RAP1B: variants seen among roughly 807,000 people sequenced by gnomAD.
The protein encoded by RAP1B is RAP1B, member of RAS oncogene family.
Under a neutral mutation model 27.5 loss-of-function variants are expected in RAP1B, and 1 was observed. The observed-to-expected ratio is 0.04, with a 90% CI of 0.01 to 0.17. RAP1B has a LOEUF of 0.17. RAP1B is among the 10% of genes least tolerant of loss of function. The probability of loss-of-function intolerance (pLI) is 1.00; values close to 1 mark genes in which losing one functional copy is unlikely to be tolerated. For synonymous variants in RAP1B, 75 were observed against 73.1 expected (o/e 1.03, Z -0.13); for missense variants, 84 against 214.8 (o/e 0.39, Z 3.81).
At chr12:68,644,131 A>T (rs1053927256) in intron 1 of RAP1B, among the ~76,000 whole-genome samples, 7 of 152,168 alleles carry the variant, frequency 4.6e-5, no homozygotes, top group African/African-American at 1.7e-4. Flanking sequence ...ATATTACAGG[A>T]TTTTTGTTTA....
intron 5 of RAP1B, 115 bp downstream of exon 5, chr12:68,654,367 G>T (rs1874047622): frequency 9.6e-6 from 7 of 732,894 alleles, no homozygotes; most frequent in South Asian, 2.6e-5. Flanking sequence ...GGGGGTGTTG[G>T]TTTTTTTAAA....
intron 1 of RAP1B, chr12:68,627,012 G>A: frequency 6.4e-7 from 1 of 1,563,798 alleles, no homozygotes; most frequent in Non-Finnish European, 8.7e-7. Context: ...CCACTTCTTT[G>A]AGATGTGGAT....
At chr12:68,629,594 A>G (rs1264148708) in intron 1 of RAP1B, among the ~76,000 whole-genome samples, 3 of 152,136 alleles carry the variant, frequency 2.0e-5, no homozygotes, top group Non-Finnish European at 4.4e-5. Flanking sequence ...GTCCTTTTCA[A>G]TTTTATCTAT....
intron 1 of RAP1B, among the ~76,000 whole-genome samples, chr12:68,628,180 C>T (rs1025540122): frequency 4.6e-5 from 7 of 152,226 alleles, no homozygotes; most frequent in South Asian, 2.1e-4. Context: ...AGTACTTGAC[C>T]TAGGCCCCAC....
At chr12:68,649,059 C>T (rs564396603) in intron 2 of RAP1B, 20 of 324,158 alleles carry the variant, frequency 6.2e-5, no homozygotes, top group East Asian at 2.2e-4. Flanking sequence ...TTTTTGCATT[C>T]GCATTTCAGA....
intron 1 of RAP1B, among the ~76,000 whole-genome samples, chr12:68,620,241 AGTCTCTCTATT>A (rs1871300332): frequency 6.7e-6 from 1 of 148,850 alleles, no homozygotes; most frequent in South Asian, 2.1e-4. Context: ...TTTAAGACTG[AGTCTCTCTATT>A]GTCACCCAGG....
At chr12:68,613,230 C>T (rs939327845) in intron 1 of RAP1B, among the ~76,000 whole-genome samples, 1 of 151,752 alleles carries the variant, frequency 6.6e-6, no homozygotes, top group African/African-American at 2.4e-5. Context: ...TGTAGTGGCA[C>T]GCGCCTGCAA....
intron 5 of RAP1B, 105 bp downstream of exon 5, chr12:68,654,357 G>T (rs1243949182): frequency 1.6e-5 from 7 of 451,374 alleles, no homozygotes; most frequent in Admixed American, 4.3e-5. Flanking sequence ...TGGTTGGGGG[G>T]GGGGTGTTGG....
At chr12:68,649,753 C>T (rs1873676537) in intron 2 of RAP1B, 1 of 152,146 alleles carries the variant, frequency 6.6e-6, no homozygotes, top group Non-Finnish European at 1.5e-5. Context: ...TCAGTTGATC[C>T]TGCATGTATG....
intron 1 of RAP1B, among the ~76,000 whole-genome samples, chr12:68,625,123 AG>A (rs1871659621): frequency 6.6e-6 from 1 of 152,172 alleles, no homozygotes; most frequent in Non-Finnish European, 1.5e-5. Flanking sequence ...CATTTTTTGG[AG>A]CTACTTTAAG....
intron 1 of RAP1B, among the ~76,000 whole-genome samples, chr12:68,623,831 G>T (rs1871554005): frequency 6.6e-6 from 1 of 152,166 alleles, no homozygotes. Flanking sequence ...GACCATCCTG[G>T]CTAACACGGT....
At chr12:68,652,491 A>C (rs1873885063) in intron 4 of RAP1B, among the ~76,000 whole-genome samples, 1 of 152,022 alleles carries the variant, frequency 6.6e-6, no homozygotes, top group Admixed American at 6.6e-5. Flanking sequence ...CTAAACTTTA[A>C]ATCTTTTTGT....
Position 68,662,520 on chromosome 12 carries a change from T to A in RAP1B, c.*3271T>A, listed in dbSNP as rs577325922. 1 of 152,132 alleles carries A rather than the reference T, an allele frequency of 6.6e-6. No individual in the cohort carries two copies. The highest frequency in any genetic ancestry group is 1.5e-5 in the Non-Finnish European group (1 of 68,002). 9.4% of individuals were successfully genotyped at this position (152,132 alleles called of 1,614,324 possible). On this transcript the variant is annotated 3_prime_UTR_variant, in exon 8 of 8. Transcript: ENST00000250559. ...TTTTTTTTTTAAATCATTCCGTCTT[T>A]AGTTGTGGGACAGCAAACTTAGAAT...
In RAP1B at chr12:68,661,327, G is replaced by A. The variant is rs553245391; in HGVS notation, c.*2078G>A. The A allele has an allele frequency of 6.6e-5, 10 of 152,158 alleles. No homozygotes were observed. The highest frequency in any genetic ancestry group is 1.9e-4 in the East Asian group (1 of 5,180). The allele number at this position is 152,158 out of a possible 1,614,324, so 9.4% of individuals were successfully genotyped here. A position where few individuals can be genotyped will look rare whatever the true frequency, so the allele number is the denominator to read the frequency against. On this transcript the variant is annotated 3_prime_UTR_variant, in exon 8 of 8. Coordinates refer to ENST00000250559, the MANE Select transcript of RAP1B (RefSeq NM_001010942.3). ...ATGTCCTGTTACATCCATTGATACCGCCATTATTCAATAATTACTTTTAAT... is the reference window on the plus strand; with the variant it reads ...ATGTCCTGTTACATCCATTGATACCACCATTATTCAATAATTACTTTTAAT...
At chr12:68,617,789 A>G (rs535012088) in intron 1 of RAP1B, among the ~76,000 whole-genome samples, 1 of 151,454 alleles carries the variant, frequency 6.6e-6, no homozygotes, top group African/African-American at 2.4e-5. Context: ...TTTTTTTGAC[A>G]GCCTCACTCT....
At chr12:68,611,943 A>T (rs1176203460) in intron 1 of RAP1B, among the ~76,000 whole-genome samples, 1 of 152,196 alleles carries the variant, frequency 6.6e-6, no homozygotes, top group Admixed American at 6.5e-5. Flanking sequence ...TTTGGAGAAA[A>T]GATCATTTTT....
intron 7 of RAP1B, chr12:68,657,825 AAC>A (rs201612273): frequency 2.3e-3 from 352 of 151,138 alleles, no homozygotes; most frequent in South Asian, 5.8e-3. Context: ...CCTAATTTAA[AAC>A]ACACACACAC....
chr12:68,635,084 CATT>C (rs989164904), intron 1 of RAP1B, among the ~76,000 whole-genome samples: 1 of 152,170 alleles, frequency 6.6e-6, no homozygotes, highest in East Asian at 1.9e-4. Context: ...CATGTGTCCT[CATT>C]ATGAGAGAGG....
chr12:68,641,667 G>C (rs1249671138), intron 1 of RAP1B, among the ~76,000 whole-genome samples: 1 of 151,776 alleles, frequency 6.6e-6, no homozygotes, highest in Non-Finnish European at 1.5e-5. Flanking sequence ...ACTCAAATTA[G>C]GAATCTTTAA....
Sources: gnomAD v4.1 joint callset for allele counts (sites outside exome capture counted in the v4.1 genomes callset) on GRCh38, gnomAD v4.1.1 for gene constraint, MANE v1.5 for transcripts, NCBI Gene and HGNC (gene_info 2026-07-23, HGNC 2026-07-21) for gene names.